The following TRAPPC9 variants were observed in gnomAD, a reference collection of about 807,000 sequenced individuals.
TRAPPC9 encodes the protein IKK2 binding protein.
In TRAPPC9, 83 loss-of-function variants were observed where a neutral mutation model predicts 124.0. The ratio of observed to expected loss-of-function variants is 0.67; its 90% CI spans 0.56 to 0.80. The LOEUF (loss-of-function observed/expected upper bound fraction) is 0.80, where lower values mean the gene tolerates loss of function less well. TRAPPC9 is among the 30% of genes least tolerant of loss of function. The pLI is 0.00. For synonymous variants in TRAPPC9, 638 were observed against 617.5 expected (o/e 1.03, Z -0.49); for missense variants, 1,302 against 1,508.3 (o/e 0.86, Z 2.27).
chr8:140,136,705 G>A (rs377206201), intron 17 of TRAPPC9, among the ~76,000 whole-genome samples: 10 of 152,180 alleles, frequency 6.6e-5, no homozygotes, highest in African/African-American at 1.2e-4. Flanking sequence ...GGGCGTGATC[G>A]TGAGTGCCTG....
chr8:140,146,595 T>A (rs1348231889), intron 17 of TRAPPC9, among the ~76,000 whole-genome samples: 1 of 152,230 alleles, frequency 6.6e-6, no homozygotes, highest in East Asian at 1.9e-4. Flanking sequence ...GGAAACCACA[T>A]CTACTTTAAA....
intron 16 of TRAPPC9, among the ~76,000 whole-genome samples, chr8:140,230,047 A>G (rs1000306928): frequency 6.6e-6 from 1 of 152,196 alleles, no homozygotes; most frequent in Non-Finnish European, 1.5e-5. Context: ...TTTCACAGGG[A>G]GTCCAGACTG....
intron 16 of TRAPPC9, among the ~76,000 whole-genome samples, chr8:140,231,777 G>A (rs184593203): frequency 2.7e-5 from 4 of 150,346 alleles, no homozygotes; most frequent in East Asian, 3.9e-4. Flanking sequence ...GTTTTTACAC[G>A]CACATAAAAC....
rs572668056 is a variant in TRAPPC9 at position 139,766,544 on chromosome 8, C to A, written c.3056-34342G>T. Among the ~76,000 whole-genome samples the A allele has an allele frequency of 4.2e-4, 64 of 152,336 alleles. 1 individual carries two copies. The highest frequency in any genetic ancestry group is 2.0e-3 in the Admixed American group (31 of 15,310). ...TCCTTCAATAAATATGTACTGACTT[C>A]TGCACCAGGGGCTCTGGAATCAGAC... On this transcript the variant is annotated intron_variant, in intron 21 of 22. Coordinates refer to ENST00000438773, the MANE Select transcript of TRAPPC9 (RefSeq NM_001160372.4).
At chr8:139,848,746 C>T (rs1231143906) in intron 21 of TRAPPC9, among the ~76,000 whole-genome samples, 1 of 152,024 alleles carries the variant, frequency 6.6e-6, no homozygotes, top group East Asian at 1.9e-4. Flanking sequence ...TGGTGTGTGC[C>T]CATGTTCCCA....
rs543966058 is a variant in TRAPPC9, at chr8:140,244,208, G to A, written c.2431+8569C>T. On this transcript the variant is annotated intron_variant, in intron 16 of 22. Transcript: ENST00000438773. ...GAAGGAGTGGATAACAGCAGGACAA[G>A]CTCCGCAGCAGGCAGGGCCCCTGGT... is the stretch of plus-strand genomic sequence containing the variant. Among the ~76,000 whole-genome samples the A allele has an allele frequency of 9.2e-5, 14 of 152,326 alleles. No individual in the cohort carries two copies. In the South Asian group the frequency reaches 1.5e-3, roughly 16 times the overall value.
rs190984291 is a variant in TRAPPC9, at chr8:139,986,019, C to T, written c.2810+2707G>A. 3.4e-3 allele frequency among the ~76,000 whole-genome samples: 511 copies of T among 152,226 alleles called. 5 individuals are homozygous for T. Among genetic ancestry groups the T allele is most frequent in the African/African-American group, 0.011 (456 of 41,544 alleles). On this transcript the variant is annotated intron_variant, in intron 19 of 22. Coordinates refer to ENST00000438773, the MANE Select transcript of TRAPPC9 (RefSeq NM_001160372.4). ...CAGCACTTTGGGAGGCCGAGGCGGG[C>T]GGATCACAAGGTCAGGAGTCCAAGA...
chr8:140,022,126 A>G (rs114908957), intron 18 of TRAPPC9, among the ~76,000 whole-genome samples: 3,303 of 152,262 alleles, frequency 0.022, 145 homozygotes, highest in African/African-American at 0.075. Flanking sequence ...GCAGTGGCAC[A>G]GGCACATGTG....
intron 17 of TRAPPC9, among the ~76,000 whole-genome samples, chr8:140,080,468 G>T (rs1456894024): frequency 2.0e-5 from 3 of 151,860 alleles, no homozygotes; most frequent in African/African-American, 7.2e-5. Context: ...TTCTGGTGAG[G>T]GCCATGGGCT....
intron 1 of TRAPPC9, among the ~76,000 whole-genome samples, chr8:140,454,602 T>C (rs2071584391): frequency 7.5e-6 from 1 of 133,196 alleles, no homozygotes; most frequent in Admixed American, 8.6e-5. Context: ...ATCACGCCAC[T>C]GCACTCCAGC....
In TRAPPC9 at chr8:139,810,870, G is replaced by A. The variant is rs1261805865; in HGVS notation, c.3055+75009C>T. On this transcript the variant is annotated intron_variant, in intron 21 of 22. Transcript: ENST00000438773. ...GGTGGGGGAGTCCCTAATGAACTCT[G>A]GGTGGGGCCCACCATGCTTCCTGTC... 1.3e-4 allele frequency among the ~76,000 whole-genome samples: 20 copies of A among 152,248 alleles called. No individual in the cohort carries two copies. In the East Asian group the frequency reaches 1.9e-3, roughly 15 times the overall value.
chr8:140,160,417 CTAGA>C (rs1300087612), intron 17 of TRAPPC9, among the ~76,000 whole-genome samples: 2 of 152,116 alleles, frequency 1.3e-5, no homozygotes, highest in African/African-American at 4.8e-5. Flanking sequence ...CAATAAGAGA[CTAGA>C]TAAAGAAAAC....
At chr8:140,340,947 C>T (rs2067176706) in intron 9 of TRAPPC9, among the ~76,000 whole-genome samples, 1 of 152,202 alleles carries the variant, frequency 6.6e-6, no homozygotes, top group Non-Finnish European at 1.5e-5. Context: ...AGCACAGGTT[C>T]TCAATTGAGA....
At chr8:139,949,990 C>A (rs774372317) in intron 19 of TRAPPC9, among the ~76,000 whole-genome samples, 1 of 152,178 alleles carries the variant, frequency 6.6e-6, no homozygotes, top group Non-Finnish European at 1.5e-5. Context: ...CTCTGCCCCA[C>A]CTTCAACACA....
At position 139,728,349 on chromosome 8, in the gene TRAPPC9, G is replaced by T. The variant is rs187109658; in HGVS notation, c.*2712C>A. The stretch of plus-strand genomic sequence containing the variant: ...TCAGCTAGTGAAGTGCAATGGACAT[G>T]ATCTGTTCCTGGCTTACCCTCCGCT... On this transcript the variant is annotated 3_prime_UTR_variant, in exon 23 of 23. Transcript: ENST00000438773. Among the ~76,000 whole-genome samples the T allele has an allele frequency of 1.3e-4, 20 of 152,338 alleles. No individual in the cohort carries two copies. The East Asian group carries it at 3.5e-3, about 26-fold the overall frequency.
intron 17 of TRAPPC9, among the ~76,000 whole-genome samples, chr8:140,072,156 C>T (rs932029443): frequency 6.6e-6 from 1 of 152,148 alleles, no homozygotes; most frequent in Non-Finnish European, 1.5e-5. Flanking sequence ...CACAGATAAC[C>T]TTGTCAAACC....
intron 17 of TRAPPC9, among the ~76,000 whole-genome samples, chr8:140,161,651 G>A (rs887390310): frequency 2.0e-5 from 3 of 152,146 alleles, no homozygotes; most frequent in African/African-American, 7.2e-5. Context: ...GTGGCGTCAT[G>A]CAAGTGCTCA....
intron 17 of TRAPPC9, among the ~76,000 whole-genome samples, chr8:140,141,269 T>C (rs2061378442): frequency 6.6e-6 from 1 of 152,188 alleles, no homozygotes; most frequent in Admixed American, 6.5e-5. Context: ...AAGTTTTGGA[T>C]TGAGTGCCTT....
chr8:139,841,337 G>T (rs1043842217), intron 21 of TRAPPC9, among the ~76,000 whole-genome samples: 15 of 152,196 alleles, frequency 9.9e-5, no homozygotes, highest in African/African-American at 3.6e-4. Flanking sequence ...ATATTTGCAG[G>T]TTCTGGGGTT....
Sources: allele counts gnomAD v4.1 joint callset (sites outside exome capture counted in the v4.1 genomes callset), GRCh38; gene constraint gnomAD v4.1.1; transcripts MANE v1.5; gene names NCBI Gene and HGNC (gene_info 2026-07-23, HGNC 2026-07-21).